Variants in AGPAT4 observed in about 807,000 individuals in gnomAD.
AGPAT4 encodes 1-acyl-sn-glycerol-3-phosphate acyltransferase delta.
In AGPAT4, 15 loss-of-function variants were observed where a neutral mutation model predicts 48.0. That is an observed-to-expected ratio of 0.31 (90% CI 0.21 to 0.48). The LOEUF is 0.48. Among genes scored for constraint, AGPAT4 ranks in the 20% least tolerant of loss-of-function variants. The pLI is 0.99. For missense variants in AGPAT4, 314 were observed against 482.5 expected, an observed-to-expected ratio of 0.65 and a Z score of 3.27; for synonymous variants, 178 against 198.7, an observed-to-expected ratio of 0.90 and a Z score of 0.88.
rs1426622295 is a variant in AGPAT4, at chr6:161,184,968, C to T, written c.179-18551G>A. Among the ~76,000 whole-genome samples the T allele has an allele frequency of 1.3e-5, 2 of 152,088 alleles. No individual in the cohort carries two copies. Among genetic ancestry groups the T allele is most frequent in the African/African-American group, 2.4e-5 (1 of 41,404 alleles). On this transcript the variant is annotated intron_variant, in intron 2 of 8. Transcript: ENST00000320285. This position sits in a 1 kb window ranked among gnomAD's most constrained non-coding sequence, Gnocchi z 4.8. ...AACGCCCTCACGATGAGCACCCACA[C>T]ACCCAGAGCACAGGAGGTTCTACGA...
In AGPAT4 at chr6:161,166,956, GT is replaced by G. The variant is rs1780118350; in HGVS notation, c.179-540del. Among the ~76,000 whole-genome samples, 1 of 152,174 alleles carries G rather than the reference GT, an allele frequency of 6.6e-6. No homozygotes were observed. Among genetic ancestry groups the G allele is most frequent in the South Asian group, 2.1e-4 (1 of 4,826 alleles). On this transcript the variant is annotated intron_variant, in intron 2 of 8. Coordinates refer to ENST00000320285, the MANE Select transcript of AGPAT4 (RefSeq NM_020133.3). This position sits in a 1 kb window ranked among gnomAD's most constrained non-coding sequence, Gnocchi z 6.7. ...GGGAGTGAGAGTCAGCCCACAGCAG[GT>G]CTGAAGAGAACTATTGAAATAGTCT... is the stretch of plus-strand genomic sequence containing the variant.
At chr6:161,269,114 T>C (rs1783350646) in intron 1 of AGPAT4, among the ~76,000 whole-genome samples, 1 of 152,188 alleles carries the variant, frequency 6.6e-6, no homozygotes, top group Non-Finnish European at 1.5e-5. Flanking sequence ...AATGCTATAC[T>C]TTGAGTCGAT....
rs1329004267 is a variant in AGPAT4, at chr6:161,140,760, G to A, written c.844-1140C>T. On this transcript the variant is annotated intron_variant, in intron 7 of 8. Transcript: ENST00000320285. The surrounding 1 kb of genome is among the most constrained non-coding windows in gnomAD (Gnocchi z 6.5). The stretch of plus-strand genomic sequence containing the variant: ...GGAGGGGCCAGGGCAGAAGCTGCCT[G>A]CAGGGAGCAGAGCTGAACCAGGCAG... Among the ~76,000 whole-genome samples, 1 of 152,240 alleles carries A rather than the reference G, an allele frequency of 6.6e-6. No homozygotes were observed. Among genetic ancestry groups the A allele is most frequent in the Non-Finnish European group, 1.5e-5 (1 of 68,034 alleles).
At position 161,228,161 on chromosome 6, in the gene AGPAT4, G is replaced by A. The variant is rs1051058933; in HGVS notation, c.178+3875C>T. ...AGGAATTTCTAAAGCACTTTCAGAC[G>A]GAGTATCTCATTCTGCATTATGAAG... On this transcript the variant is annotated intron_variant, in intron 2 of 8. Transcript: ENST00000320285. 2.0e-5 allele frequency among the ~76,000 whole-genome samples: 3 copies of A among 152,250 alleles called. No individual in the cohort carries two copies. In the East Asian group the frequency reaches 5.8e-4, roughly 29 times the overall value.
chr6:161,213,354 G>A (rs1781567148), intron 2 of AGPAT4, among the ~76,000 whole-genome samples: 1 of 152,202 alleles, frequency 6.6e-6, no homozygotes, highest in Non-Finnish European at 1.5e-5. Context: ...GTAAAAATGG[G>A]AAACTGAAGA....
Position 161,136,123 on chromosome 6 carries a change from C to T in AGPAT4, c.*417G>A, listed in dbSNP as rs1779056898. ...TTTTTTCTTGGAGGCATAATTTAGTCATCTCACCTAAAGCACTTTTCACTT... is the reference window on the plus strand; with the variant it reads ...TTTTTTCTTGGAGGCATAATTTAGTTATCTCACCTAAAGCACTTTTCACTT... On this transcript the variant is annotated 3_prime_UTR_variant, in exon 9 of 9. Coordinates refer to ENST00000320285, the MANE Select transcript of AGPAT4 (RefSeq NM_020133.3). 1 of 171,300 alleles carries T rather than the reference C, an allele frequency of 5.8e-6. No individual in the cohort carries two copies. The highest frequency in any genetic ancestry group is 1.2e-5 in the Non-Finnish European group (1 of 80,334). 10.6% of individuals were successfully genotyped at this position (171,300 alleles called of 1,614,324 possible).
rs1263413027 is a variant in AGPAT4 at position 161,148,251 on chromosome 6, GT to G, written c.767+935del. The stretch of plus-strand genomic sequence containing the variant: ...ACAGAACTGAGTCACAGGGCAGACT[GT>G]TGCCTGCACCATCAGACAAGAAGTC... On this transcript the variant is annotated intron_variant, in intron 6 of 8. Transcript: ENST00000320285. This position sits in a 1 kb window ranked among gnomAD's most constrained non-coding sequence, Gnocchi z 5.5. Among the ~76,000 whole-genome samples, 11 of 152,258 alleles carry G rather than the reference GT, an allele frequency of 7.2e-5. No individual in the cohort carries two copies. Among genetic ancestry groups the G allele is most frequent in the Non-Finnish European group, 1.5e-4 (10 of 68,026 alleles).
intron 2 of AGPAT4, among the ~76,000 whole-genome samples, chr6:161,224,050 T>C (rs1454940800): frequency 6.6e-6 from 1 of 152,256 alleles, no homozygotes; most frequent in Non-Finnish European, 1.5e-5. Context: ...ATTCAGATAC[T>C]TAAATTCTTT....
At position 161,177,010 on chromosome 6, in the gene AGPAT4, T is replaced by A. The variant is rs1316939126; in HGVS notation, c.179-10593A>T. ...CGTGTAGAGCTTCTGCCGAGAGATCTGCTGTTAGTCTGATGGGCTTCCTTT... is the reference window on the plus strand; with the variant it reads ...CGTGTAGAGCTTCTGCCGAGAGATCAGCTGTTAGTCTGATGGGCTTCCTTT... On this transcript the variant is annotated intron_variant, in intron 2 of 8. Coordinates refer to ENST00000320285, the MANE Select transcript of AGPAT4 (RefSeq NM_020133.3). This position sits in a 1 kb window ranked among gnomAD's most constrained non-coding sequence, Gnocchi z 5.0. Among the ~76,000 whole-genome samples the A allele has an allele frequency of 6.6e-6, 1 of 152,224 alleles. No homozygotes were observed. The highest frequency in any genetic ancestry group is 1.5e-5 in the Non-Finnish European group (1 of 68,038).
Position 161,169,227 on chromosome 6 carries a change from T to A in AGPAT4, c.179-2810A>T, listed in dbSNP as rs1191122065. ...CAATATAAAAACCACTGGAGCATTT[T>A]TAAATAGACACACACCAACATCCAA... On this transcript the variant is annotated intron_variant, in intron 2 of 8. Coordinates refer to ENST00000320285, the MANE Select transcript of AGPAT4 (RefSeq NM_020133.3). The surrounding 1 kb of genome is among the most constrained non-coding windows in gnomAD (Gnocchi z 5.0). 6.6e-6 allele frequency among the ~76,000 whole-genome samples: 1 copy of A among 152,144 alleles called. No individual in the cohort carries two copies. Among genetic ancestry groups the A allele is most frequent in the Non-Finnish European group, 1.5e-5 (1 of 68,018 alleles).
chr6:161,214,385 C>G lies in AGPAT4; in HGVS notation c.178+17651G>C, dbSNP rs1356775253. 1.3e-5 allele frequency among the ~76,000 whole-genome samples: 2 copies of G among 152,176 alleles called. No individual in the cohort carries two copies. The highest frequency in any genetic ancestry group is 2.9e-5 in the Non-Finnish European group (2 of 68,040). On this transcript the variant is annotated intron_variant, in intron 2 of 8. Coordinates refer to ENST00000320285, the MANE Select transcript of AGPAT4 (RefSeq NM_020133.3). This position sits in a 1 kb window ranked among gnomAD's most constrained non-coding sequence, Gnocchi z 5.4. Reference sequence around the variant, plus strand: ...TCTCAAATTTTGGGGGTTTCAGAAGCCTGTTGCTCCTAGGCTGCTCACCTG... The same window carrying G: ...TCTCAAATTTTGGGGGTTTCAGAAGGCTGTTGCTCCTAGGCTGCTCACCTG...
At chr6:161,228,873 CA>C (rs954178779) in intron 2 of AGPAT4, among the ~76,000 whole-genome samples, 1 of 151,828 alleles carries the variant, frequency 6.6e-6, no homozygotes, top group Non-Finnish European at 1.5e-5. Context: ...CAAATCTAGG[CA>C]AAAATAAGAC....
rs1583295992 is a variant in AGPAT4, at chr6:161,165,842, C to A, written c.348+406G>T. ...TGCAGAGGTGATGTCTGCCTGTTAGCCAAGGAGGCAGTAGAGCATGGAATT... is the reference window on the plus strand; with the variant it reads ...TGCAGAGGTGATGTCTGCCTGTTAGACAAGGAGGCAGTAGAGCATGGAATT... On this transcript the variant is annotated intron_variant, in intron 3 of 8. Coordinates refer to ENST00000320285, the MANE Select transcript of AGPAT4 (RefSeq NM_020133.3). The surrounding 1 kb of genome is among the most constrained non-coding windows in gnomAD (Gnocchi z 5.5). The A allele has an allele frequency of 3.4e-6, 2 of 591,810 alleles. No homozygotes were observed. Among genetic ancestry groups the A allele is most frequent in the East Asian group, 6.5e-5 (2 of 30,728 alleles). The allele number at this position is 591,810 out of a possible 1,614,324, so 36.7% of individuals were successfully genotyped here. A position where few individuals can be genotyped will look rare whatever the true frequency, so the allele number is the denominator to read the frequency against.
chr6:161,243,227 G>A lies in AGPAT4; in HGVS notation c.-89-10925C>T, dbSNP rs1354612822. On this transcript the variant is annotated intron_variant, in intron 1 of 8. Coordinates refer to ENST00000320285, the MANE Select transcript of AGPAT4 (RefSeq NM_020133.3). The surrounding 1 kb of genome is among the most constrained non-coding windows in gnomAD (Gnocchi z 4.8). ...TGAGGGCTGGAACGACATGGGAGCT[G>A]GGGACAGTGAAGGGGCAGCTCTCCC... Among the ~76,000 whole-genome samples, 2 of 152,146 alleles carry A rather than the reference G, an allele frequency of 1.3e-5. No homozygotes were observed. Among genetic ancestry groups the A allele is most frequent in the East Asian group, 1.9e-4 (1 of 5,182 alleles).
At chr6:161,192,142 CTTTTTTTT>C (rs573872820) in intron 2 of AGPAT4, among the ~76,000 whole-genome samples, 3 of 45,612 alleles carry the variant, frequency 6.6e-5, no homozygotes, top group African/African-American at 3.2e-4. Context: ...AGAAGTTATA[CTTTTTTTT>C]TTTTTTTTTT....
intron 3 of AGPAT4, chr6:161,160,969 G>C (rs374928642): frequency 4.4e-6 from 2 of 456,678 alleles, no homozygotes; most frequent in East Asian, 6.9e-5. Context: ...TTGCTAAACA[G>C]TTGCAGGAAG....
At chr6:161,156,850 A>C (rs909895906) in intron 3 of AGPAT4, among the ~76,000 whole-genome samples, 1 of 152,266 alleles carries the variant, frequency 6.6e-6, no homozygotes, top group Non-Finnish European at 1.5e-5. Flanking sequence ...TAGCATGAGC[A>C]ATCTGTGCCT....
At chr6:161,252,678 T>C (rs1193680504) in intron 1 of AGPAT4, among the ~76,000 whole-genome samples, 3 of 151,390 alleles carry the variant, frequency 2.0e-5, no homozygotes, top group African/African-American at 7.3e-5. Flanking sequence ...GTCATGGTGG[T>C]GCACATCTGT....
chr6:161,220,166 C>A lies in AGPAT4; in HGVS notation c.178+11870G>T, dbSNP rs1344983567. 6.6e-6 allele frequency among the ~76,000 whole-genome samples: 1 copy of A among 152,148 alleles called. No homozygotes were observed. Among genetic ancestry groups the A allele is most frequent in the African/African-American group, 2.4e-5 (1 of 41,418 alleles). On this transcript the variant is annotated intron_variant, in intron 2 of 8. Transcript: ENST00000320285. The surrounding 1 kb of genome is among the most constrained non-coding windows in gnomAD (Gnocchi z 6.0). ...TTCCAATCACCAGGTATGTCAGCCA[C>A]ACAGCCTGCGCTATCACCAGATGAC... is the stretch of plus-strand genomic sequence containing the variant.
Sources: allele counts gnomAD v4.1 joint callset (sites outside exome capture counted in the v4.1 genomes callset), GRCh38; gene constraint gnomAD v4.1.1; non-coding constraint Gnocchi (gnomAD v3.1); transcripts MANE v1.5; gene names NCBI Gene and HGNC (gene_info 2026-07-23, HGNC 2026-07-21).